Variants in VTI1A observed in about 807,000 individuals in gnomAD.
VTI1A encodes vesicle transport through interaction with t-SNAREs homolog 1A.
In VTI1A, 22 loss-of-function variants were observed where a neutral mutation model predicts 34.9. The ratio of observed to expected loss-of-function variants is 0.63; its 90% CI spans 0.45 to 0.90. VTI1A has a LOEUF of 0.90. Among genes scored for constraint, VTI1A ranks in the 40% least tolerant of loss-of-function variants. The pLI is 0.00. For synonymous variants in VTI1A, 87 were observed against 97.3 expected (o/e 0.89, Z 0.62); for missense variants, 268 against 275.6 (o/e 0.97, Z 0.20).
intron 3 of VTI1A, among the ~76,000 whole-genome samples, chr10:112,525,105 G>C (rs1301741325): frequency 6.6e-6 from 1 of 152,170 alleles, no homozygotes; most frequent in Non-Finnish European, 1.5e-5. Context: ...AATATATGCT[G>C]TGTGCGATGG....
At chr10:112,741,383 A>T (rs1850689442) in intron 7 of VTI1A, among the ~76,000 whole-genome samples, 1 of 152,204 alleles carries the variant, frequency 6.6e-6, no homozygotes, top group African/African-American at 2.4e-5. Flanking sequence ...TGAGCCCAGG[A>T]GGCAGAGGTT....
chr10:112,664,727 G>T (rs1235642047), intron 5 of VTI1A, among the ~76,000 whole-genome samples: 1 of 152,160 alleles, frequency 6.6e-6, no homozygotes, highest in African/African-American at 2.4e-5. Flanking sequence ...GGATATGATT[G>T]ATTCTGGGTA....
chr10:112,562,324 T>C (rs777125545), intron 5 of VTI1A, among the ~76,000 whole-genome samples: 2 of 152,154 alleles, frequency 1.3e-5, no homozygotes, highest in Non-Finnish European at 1.5e-5. Context: ...GCCACACTCT[T>C]CTGTTTTCTC....
At position 112,469,458 on chromosome 10, in the gene VTI1A, A is replaced by T. The variant is rs909425767; in HGVS notation, c.264+4801A>T. 2.6e-5 allele frequency among the ~76,000 whole-genome samples: 4 copies of T among 152,228 alleles called. No homozygotes were observed. In the East Asian group the frequency reaches 7.7e-4, roughly 29 times the overall value. ...AGAACTAATTTTTGCCTCTGTGGACATGATATTGCTCCTGTTGACAATGCA... is the reference window on the plus strand; with the variant it reads ...AGAACTAATTTTTGCCTCTGTGGACTTGATATTGCTCCTGTTGACAATGCA... On this transcript the variant is annotated intron_variant, in intron 3 of 7. Transcript: ENST00000393077.
intron 4 of VTI1A, among the ~76,000 whole-genome samples, chr10:112,532,734 A>G (rs1264504460): frequency 2.6e-5 from 4 of 152,168 alleles, no homozygotes; most frequent in South Asian, 2.1e-4. Context: ...CAAAACTGCA[A>G]TATAAATGAA....
chr10:112,843,268 A>C, the VTI1A span, among the ~76,000 whole-genome samples: 8 of 152,250 alleles, frequency 5.3e-5, no homozygotes, highest in Non-Finnish European at 8.8e-5. Flanking sequence ...AGACTGTAGA[A>C]GTGTGTGACC....
chr10:112,557,707 T>C (rs1412210008), intron 5 of VTI1A, among the ~76,000 whole-genome samples: 1 of 152,196 alleles, frequency 6.6e-6, no homozygotes, highest in Non-Finnish European at 1.5e-5. Flanking sequence ...TCTCCACTAC[T>C]GGAGATTTTT....
chr10:112,537,325 A>ATATATATATATATATATATATATATT (rs1306072175), intron 4 of VTI1A, among the ~76,000 whole-genome samples: 3 of 133,634 alleles, frequency 2.2e-5, no homozygotes, highest in African/African-American at 7.9e-5. Flanking sequence ...ATATATATAT[A>ATATATATATATATATATATATATATT]TATATATATA....
intron 5 of VTI1A, among the ~76,000 whole-genome samples, chr10:112,642,908 A>G (rs1846627515): frequency 6.6e-6 from 1 of 151,974 alleles, no homozygotes; most frequent in African/African-American, 2.4e-5. Flanking sequence ...CATTGGTGAC[A>G]CTAGAACTGT....
At chr10:112,818,947 T>A (rs1009715274), downstream of VTI1A, among the ~76,000 whole-genome samples, 1 of 152,050 alleles carries the variant, frequency 6.6e-6, no homozygotes, top group Non-Finnish European at 1.5e-5. Context: ...CAGAGAAAGA[T>A]GAAAACTTGT....
intron 7 of VTI1A, among the ~76,000 whole-genome samples, chr10:112,715,523 G>A (rs1003172960): frequency 6.6e-6 from 1 of 152,140 alleles, no homozygotes; most frequent in African/African-American, 2.4e-5. Context: ...GATGAACTGG[G>A]AGGACAGTAA....
intron 7 of VTI1A, among the ~76,000 whole-genome samples, chr10:112,799,129 G>A (rs1030877542): frequency 3.9e-5 from 6 of 152,242 alleles, no homozygotes; most frequent in Admixed American, 1.3e-4. Context: ...CCTAGTTATT[G>A]ATGCTGCCAC....
chr10:112,779,753 A>C (rs1460521556), intron 7 of VTI1A, among the ~76,000 whole-genome samples: 2 of 125,434 alleles, frequency 1.6e-5, no homozygotes, highest in Non-Finnish European at 3.5e-5. Flanking sequence ...GGATTAGAAT[A>C]ATCGGAAAAT....
intron 7 of VTI1A, among the ~76,000 whole-genome samples, chr10:112,742,060 T>C (rs1457279228): frequency 1.3e-5 from 2 of 152,130 alleles, no homozygotes; most frequent in African/African-American, 4.8e-5. Flanking sequence ...GAATAGGAAA[T>C]CCTCTCTAGA....
chr10:112,715,949 C>T (rs1849595262), intron 7 of VTI1A, among the ~76,000 whole-genome samples: 1 of 152,198 alleles, frequency 6.6e-6, no homozygotes, highest in South Asian at 2.1e-4. Context: ...ACTGGGAAGA[C>T]ACGCTGCTTT....
At chr10:112,838,998 G>A in the VTI1A span, among the ~76,000 whole-genome samples, 1 of 152,182 alleles carries the variant, frequency 6.6e-6, no homozygotes, top group African/African-American at 2.4e-5. Flanking sequence ...TTCCCTGAGG[G>A]CTGCTGGCTG....
intron 2 of VTI1A, among the ~76,000 whole-genome samples, chr10:112,463,222 G>T (rs533857430): frequency 1.3e-5 from 2 of 152,138 alleles, no homozygotes; most frequent in Non-Finnish European, 2.9e-5. Flanking sequence ...ACTGCGCCTG[G>T]CCTGGTTTTT....
chr10:112,819,934 C>T (rs1178303853), downstream of VTI1A, among the ~76,000 whole-genome samples: 1 of 152,188 alleles, frequency 6.6e-6, no homozygotes, highest in East Asian at 1.9e-4. Context: ...CCAGAGGGAC[C>T]AGGCCCCTTA....
chr10:112,636,410 A>G (rs923414027), intron 5 of VTI1A, among the ~76,000 whole-genome samples: 5 of 152,098 alleles, frequency 3.3e-5, no homozygotes, highest in African/African-American at 1.2e-4. Context: ...GGGTATGGTG[A>G]GTATCCCATT....
Sources: gnomAD v4.1 joint callset for allele counts (sites outside exome capture counted in the v4.1 genomes callset) on GRCh38, gnomAD v4.1.1 for gene constraint, MANE v1.5 for transcripts, NCBI Gene and HGNC (gene_info 2026-07-23, HGNC 2026-07-21) for gene names.